The following CNTN4 variants were observed in gnomAD, a reference collection of about 807,000 sequenced individuals.
CNTN4 encodes the protein contactin 4, also known as contactin-4.
Under a neutral mutation model 122.5 loss-of-function variants are expected in CNTN4, and 77 were observed. That is an observed-to-expected ratio of 0.63 (90% CI 0.52 to 0.76). The LOEUF (loss-of-function observed/expected upper bound fraction) is 0.76. CNTN4 is among the 30% of genes least tolerant of loss of function. The pLI is 0.00. For missense variants in CNTN4, 1,256 were observed against 1,259.1 expected (o/e 1.00, Z 0.04); for synonymous variants, 512 against 447.0 (o/e 1.15, Z -1.83).
chr3:2,123,099 C>A (rs2033904504), intron 2 of CNTN4, among the ~76,000 whole-genome samples: 1 of 152,182 alleles, frequency 6.6e-6, no homozygotes, highest in Non-Finnish European at 1.5e-5. Context: ...CCTAGCTGAT[C>A]TTCTGAGAAC....
chr3:3,032,459 G>A (rs956377727), intron 16 of CNTN4, among the ~76,000 whole-genome samples: 5 of 152,190 alleles, frequency 3.3e-5, no homozygotes, highest in Non-Finnish European at 7.4e-5. Flanking sequence ...AGAAAATCTA[G>A]TCTAATCAGT....
chr3:2,765,630 A>G (rs1380223659), intron 6 of CNTN4, among the ~76,000 whole-genome samples: 1 of 152,148 alleles, frequency 6.6e-6, no homozygotes, highest in Non-Finnish European at 1.5e-5. Context: ...TAGATATTTT[A>G]TATGCCTTAG....
chr3:2,840,037 A>T (rs2093319073), intron 7 of CNTN4, among the ~76,000 whole-genome samples: 1 of 152,182 alleles, frequency 6.6e-6, no homozygotes, highest in Non-Finnish European at 1.5e-5. Context: ...ACGTTCCTAT[A>T]GGCACAGCTT....
At chr3:2,409,624 A>G (rs2047162610) in intron 3 of CNTN4, among the ~76,000 whole-genome samples, 1 of 152,202 alleles carries the variant, frequency 6.6e-6, no homozygotes, top group South Asian at 2.1e-4. Context: ...CAGTGAATTC[A>G]TAACTGTGAA....
chr3:2,501,786 G>A (rs1171259803), intron 3 of CNTN4, among the ~76,000 whole-genome samples: 2 of 151,978 alleles, frequency 1.3e-5, no homozygotes, highest in Admixed American at 6.6e-5. Flanking sequence ...AAGTACAGGC[G>A]GAGCATTCCC....
At chr3:2,344,627 G>A (rs1025586736) in intron 3 of CNTN4, among the ~76,000 whole-genome samples, 1 of 152,122 alleles carries the variant, frequency 6.6e-6, no homozygotes, top group African/African-American at 2.4e-5. Context: ...CTGAGATTCT[G>A]AATGATGGGG....
intron 4 of CNTN4, among the ~76,000 whole-genome samples, chr3:2,721,067 G>A (rs1446771664): frequency 6.6e-6 from 1 of 152,148 alleles, no homozygotes; most frequent in Non-Finnish European, 1.5e-5. Context: ...CCACCTCCCA[G>A]GTTCAGCAAT....
intron 2 of CNTN4, among the ~76,000 whole-genome samples, chr3:2,113,329 G>A (rs987105133): frequency 2.6e-5 from 4 of 152,170 alleles, no homozygotes; most frequent in Non-Finnish European, 5.9e-5. Flanking sequence ...TACAGTCTAA[G>A]TACATGATCT....
intron 3 of CNTN4, among the ~76,000 whole-genome samples, chr3:2,440,389 T>G (rs2048392040): frequency 6.6e-6 from 1 of 152,188 alleles, no homozygotes; most frequent in Non-Finnish European, 1.5e-5. Flanking sequence ...TCCAAATGTA[T>G]GAATGAAATT....
chr3:2,260,159 T>G (rs1442465124), intron 2 of CNTN4, among the ~76,000 whole-genome samples: 1 of 152,116 alleles, frequency 6.6e-6, no homozygotes, highest in Admixed American at 6.6e-5. Flanking sequence ...TACCACATAA[T>G]GTAGCTGTAG....
chr3:2,376,825 A>G (rs1473556283), intron 3 of CNTN4, among the ~76,000 whole-genome samples: 2 of 152,176 alleles, frequency 1.3e-5, no homozygotes, highest in South Asian at 2.1e-4. Flanking sequence ...CAGTTCTTAT[A>G]CAGTGTTAAG....
chr3:2,222,174 T>C (rs1464450969), intron 2 of CNTN4, among the ~76,000 whole-genome samples: 6 of 152,206 alleles, frequency 3.9e-5, no homozygotes, highest in African/African-American at 1.4e-4. Context: ...GATAAGTTAG[T>C]ACACGAAATG....
Position 2,636,263 on chromosome 3 carries a change from T to C in CNTN4, c.55+64705T>C, listed in dbSNP as rs892656597. On this transcript the variant is annotated intron_variant, in intron 4 of 24. Coordinates refer to ENST00000418658, the MANE Select transcript of CNTN4 (RefSeq NM_175607.3). ...GGACAATAGAGCTAATTCCACATAC[T>C]CTAAAAACTTTACGTCATCAGGCAT... is the stretch of plus-strand genomic sequence containing the variant. Among the ~76,000 whole-genome samples, 5 of 152,304 alleles carry C rather than the reference T, an allele frequency of 3.3e-5. No individual in the cohort carries two copies. The South Asian group carries it at 1.0e-3, about 32-fold the overall frequency.
intron 4 of CNTN4, among the ~76,000 whole-genome samples, chr3:2,654,213 G>GT (rs1333389580): frequency 6.6e-6 from 1 of 152,140 alleles, no homozygotes; most frequent in Non-Finnish European, 1.5e-5. Flanking sequence ...GAAAAAAAGA[G>GT]TTTTTTTGAC....
At chr3:2,921,958 A>C (rs1422497071) in intron 12 of CNTN4, among the ~76,000 whole-genome samples, 2 of 152,356 alleles carry the variant, frequency 1.3e-5, no homozygotes, top group East Asian at 3.9e-4. Context: ...CTCATAGATA[A>C]TCTAATAAAG....
intron 7 of CNTN4, among the ~76,000 whole-genome samples, chr3:2,837,588 C>A (rs1490342382): frequency 6.6e-6 from 1 of 152,174 alleles, no homozygotes; most frequent in Non-Finnish European, 1.5e-5. Flanking sequence ...ACCCCCGTTC[C>A]CAAATGGCAC....
intron 2 of CNTN4, among the ~76,000 whole-genome samples, chr3:2,174,271 G>T (rs924601109): frequency 6.6e-6 from 1 of 152,168 alleles, no homozygotes; most frequent in Non-Finnish European, 1.5e-5. Context: ...AGATGGAGGT[G>T]TATAAGAAAA....
intron 14 of CNTN4, among the ~76,000 whole-genome samples, chr3:3,006,148 T>C (rs1014625724): frequency 2.6e-5 from 4 of 152,132 alleles, no homozygotes; most frequent in Non-Finnish European, 5.9e-5. Flanking sequence ...GGTGCTGGGA[T>C]TACAGGCATG....
intron 9 of CNTN4, among the ~76,000 whole-genome samples, chr3:2,885,179 G>T (rs1383465662): frequency 6.6e-6 from 1 of 152,162 alleles, no homozygotes; most frequent in African/African-American, 2.4e-5. Flanking sequence ...GTGTGTATTT[G>T]TGAAAAATAA....
Sources: gnomAD v4.1 joint callset for allele counts (sites outside exome capture counted in the v4.1 genomes callset) on GRCh38, gnomAD v4.1.1 for gene constraint, MANE v1.5 for transcripts, NCBI Gene and HGNC (gene_info 2026-07-23, HGNC 2026-07-21) for gene names.